NAV2: variants seen among roughly 807,000 people sequenced by gnomAD.
The protein encoded by NAV2 is helicase, APC down-regulated 1.
A neutral mutation model predicts 223.2 loss-of-function variants in NAV2; 54 were observed. The observed-to-expected ratio is 0.24, with a 90% CI of 0.19 to 0.30. The LOEUF is 0.30. Among genes scored for constraint, NAV2 ranks in the 10% least tolerant of loss-of-function variants. The pLI is 1.00. For missense variants in NAV2, 2,806 were observed against 3,147.5 expected (o/e 0.89, Z 2.60); for synonymous variants, 1,279 against 1,239.3 (o/e 1.03, Z -0.67).
chr11:20,120,885 G>C lies in NAV2; in HGVS notation c.*2627G>C, dbSNP rs568045295. The C allele has an allele frequency of 1.3e-5, 2 of 152,728 alleles. No individual in the cohort carries two copies. The highest frequency in any genetic ancestry group is 1.3e-4 in the Admixed American group (2 of 15,298). 9.5% of individuals were successfully genotyped at this position (152,728 alleles called of 1,614,324 possible). ...ACTCATTTAGGGCTCTATCGGAAAT[G>C]CTTCCATTTTGCCTTTTCTACAGTT... On this transcript the variant is annotated 3_prime_UTR_variant, in exon 38 of 38. Transcript: ENST00000349880.
Position 20,097,657 on chromosome 11 carries a change from C to A in NAV2, c.6093C>A (p.Ile2031=). 6.2e-7 allele frequency: 1 copy of A among 1,613,736 alleles called. No individual in the cohort carries two copies. The highest frequency in any genetic ancestry group is 8.5e-7 in the Non-Finnish European group (1 of 1,179,924). ...TTCTTGGCTACAGCATTGGAGAAAT[C>A]AAGCGCAGCAACACTTCCGAAACAC... ...DSVLGYSIGE[I]KRSNTSETPE... is the part of the protein sequence containing the mutation. The change falls in exon 31 of 38, where the codon ATC becomes ATA. Residue 2031 remains isoleucine, a synonymous_variant. Transcript: ENST00000349880.
Position 19,931,480 on chromosome 11 carries a change from G to A in NAV2, c.932-1696G>A, listed in dbSNP as rs1246284539. Among the ~76,000 whole-genome samples the A allele has an allele frequency of 2.0e-5, 3 of 152,144 alleles. No individual in the cohort carries two copies. The East Asian group carries it at 5.8e-4, about 29-fold the overall frequency. ...TGAGCTCTCACGGCACGGTGCTCAC[G>A]CCCCACACAGGGGCTGCCTTCACTC... On this transcript the variant is annotated intron_variant, in intron 6 of 37. Transcript: ENST00000349880.
chr11:20,121,545 A>G lies in NAV2; in HGVS notation c.*3287A>G, dbSNP rs1010293141. 1.3e-5 allele frequency: 2 copies of G among 152,608 alleles called. No homozygotes were observed. Among genetic ancestry groups the G allele is most frequent in the African/African-American group, 4.8e-5 (2 of 41,432 alleles). 9.5% of individuals were successfully genotyped at this position (152,608 alleles called of 1,614,324 possible). A position where few individuals can be genotyped will look rare whatever the true frequency, so the allele number is the denominator to read the frequency against. ...CATGTCATAGAGAATAAAGCTGATG[A>G]TTGTACCAGTCTTAAATTATTCATG... is the stretch of plus-strand genomic sequence containing the variant. On this transcript the variant is annotated 3_prime_UTR_variant, in exon 38 of 38. Transcript: ENST00000349880.
chr11:19,797,340 AT>A (rs1413220215), intron 1 of NAV2, among the ~76,000 whole-genome samples: 7 of 152,096 alleles, frequency 4.6e-5, no homozygotes, highest in African/African-American at 1.7e-4. Flanking sequence ...GTCTGTTGGC[AT>A]TTGCCATCCA....
intron 1 of NAV2, among the ~76,000 whole-genome samples, chr11:19,820,564 T>C (rs528512131): frequency 1.5e-4 from 23 of 152,154 alleles, no homozygotes; most frequent in Non-Finnish European, 3.1e-4. Flanking sequence ...TCCAGGGAGT[T>C]TACAGGGAGA....
chr11:19,440,889 G>A (rs1401799251), intron 1 of NAV2, among the ~76,000 whole-genome samples: 1 of 152,144 alleles, frequency 6.6e-6, no homozygotes, highest in African/African-American at 2.4e-5. Flanking sequence ...CGCTAAGTAG[G>A]CCAATCTTCC....
intron 1 of NAV2, among the ~76,000 whole-genome samples, chr11:19,425,247 C>T (rs1850779263): frequency 6.6e-6 from 1 of 152,208 alleles, no homozygotes; most frequent in Non-Finnish European, 1.5e-5. Context: ...AATTGAGTCT[C>T]ATGCAGAAGG....
At chr11:19,360,077 A>G (rs891467588) in intron 1 of NAV2, among the ~76,000 whole-genome samples, 1 of 152,210 alleles carries the variant, frequency 6.6e-6, no homozygotes, top group African/African-American at 2.4e-5. Flanking sequence ...CTAGAAACTG[A>G]CAAAGACTCT....
intron 22 of NAV2, among the ~76,000 whole-genome samples, chr11:20,076,260 T>C (rs181847127): frequency 7.0e-4 from 107 of 152,334 alleles, no homozygotes; most frequent in African/African-American, 2.5e-3. Context: ...CCTTCCCCTG[T>C]ACTACACTGC....
intron 1 of NAV2, among the ~76,000 whole-genome samples, chr11:19,436,378 T>C (rs931634997): frequency 6.6e-6 from 1 of 152,168 alleles, no homozygotes; most frequent in African/African-American, 2.4e-5. Flanking sequence ...TGAAAAGCAG[T>C]TGATCATAGA....
intron 1 of NAV2, among the ~76,000 whole-genome samples, chr11:19,593,175 C>G (rs1298986804): frequency 6.6e-6 from 1 of 152,060 alleles, no homozygotes; most frequent in African/African-American, 2.4e-5. Flanking sequence ...CCCCTGGCAA[C>G]CAACCATTAG....
At chr11:20,077,389 G>A (rs1488949393) in intron 22 of NAV2, among the ~76,000 whole-genome samples, 163 bp from the exon 23 acceptor site, 1 of 152,068 alleles carries the variant, frequency 6.6e-6, no homozygotes, top group Non-Finnish European at 1.5e-5. Context: ...GAAGACTGGA[G>A]TGACTGGATC....
intron 1 of NAV2, among the ~76,000 whole-genome samples, chr11:19,542,575 A>T: frequency 6.6e-6 from 1 of 152,232 alleles, no homozygotes; most frequent in East Asian, 1.9e-4. Context: ...GTCTCACTTC[A>T]TTGTAACAAG....
chr11:19,484,127 A>AACACACACACACACACACAC (rs58138697), intron 1 of NAV2, among the ~76,000 whole-genome samples: 1 of 144,792 alleles, frequency 6.9e-6, no homozygotes, highest in Non-Finnish European at 1.5e-5. Flanking sequence ...ACTGATCACA[A>AACACACACACACACACACAC]ACACACACAC....
At chr11:20,043,090 C>T (rs1367910278) in intron 12 of NAV2, among the ~76,000 whole-genome samples, 1 of 152,180 alleles carries the variant, frequency 6.6e-6, no homozygotes, top group Non-Finnish European at 1.5e-5. Flanking sequence ...ATCATTGGCT[C>T]TCCGCATTTG....
chr11:19,912,086 C>G (rs781708629), intron 6 of NAV2, among the ~76,000 whole-genome samples: 1 of 152,154 alleles, frequency 6.6e-6, no homozygotes, highest in Non-Finnish European at 1.5e-5. Context: ...TCTTTTGGTG[C>G]TTACATTCTA....
chr11:19,645,595 G>A (rs1429512859), intron 1 of NAV2, among the ~76,000 whole-genome samples: 1 of 152,104 alleles, frequency 6.6e-6, no homozygotes, highest in Non-Finnish European at 1.5e-5. Flanking sequence ...AACATGTAGA[G>A]TTAGGAAAGG....
intron 11 of NAV2, among the ~76,000 whole-genome samples, chr11:19,997,664 C>T (rs1251378207): frequency 6.6e-6 from 1 of 152,126 alleles, no homozygotes; most frequent in Non-Finnish European, 1.5e-5. Flanking sequence ...GTTACATAGG[C>T]AGAGAGTGGC....
At chr11:19,999,422 A>G (rs928441608) in intron 11 of NAV2, among the ~76,000 whole-genome samples, 1 of 152,212 alleles carries the variant, frequency 6.6e-6, no homozygotes, top group Non-Finnish European at 1.5e-5. Context: ...AGGCTGGAGC[A>G]CAATGGCGCA....
Sources: gnomAD v4.1 joint callset for allele counts (sites outside exome capture counted in the v4.1 genomes callset) on GRCh38, gnomAD v4.1.1 for gene constraint, MANE v1.5 for transcripts, NCBI Gene and HGNC (gene_info 2026-07-23, HGNC 2026-07-21) for gene names.